SNX25: variants seen among roughly 807,000 people sequenced by gnomAD.
The protein encoded by SNX25 is sorting nexin-25.
Under a neutral mutation model 113.7 loss-of-function variants are expected in SNX25, and 62 were observed. The observed-to-expected ratio is 0.55, with a 90% confidence interval of 0.44 to 0.67. The LOEUF (loss-of-function observed/expected upper bound fraction) is 0.67. SNX25 is among the 30% of genes least tolerant of loss of function. The probability of loss-of-function intolerance (pLI) is 0.00; values close to 1 mark genes in which losing one functional copy is unlikely to be tolerated. For missense variants in SNX25, 1,014 were observed against 1,161.0 expected, an observed-to-expected ratio of 0.87 and a Z score of 1.84; for synonymous variants, 421 against 436.2, an observed-to-expected ratio of 0.97 and a Z score of 0.43.
intron 10 of SNX25, among the ~76,000 whole-genome samples, chr4:185,337,480 C>G (rs976484683): frequency 6.6e-6 from 1 of 150,904 alleles, no homozygotes; most frequent in Admixed American, 6.6e-5. Flanking sequence ...TTTTGTTTTG[C>G]TAACTATTTA....
At chr4:185,237,880 T>C (rs372604119) in intron 1 of SNX25, among the ~76,000 whole-genome samples, 128 of 151,486 alleles carry the variant, frequency 8.4e-4, no homozygotes, top group African/African-American at 2.8e-3. Flanking sequence ...CTGGCCAACA[T>C]GGAGAAACCC....
intron 1 of SNX25, among the ~76,000 whole-genome samples, chr4:185,246,214 G>T (rs1579457186): frequency 1.3e-5 from 2 of 152,212 alleles, no homozygotes; most frequent in South Asian, 2.1e-4. Flanking sequence ...GAACCTGGGA[G>T]GCGGAGGTTG....
At chr4:185,345,753 T>A (rs1334792290) in intron 12 of SNX25, among the ~76,000 whole-genome samples, 1 of 151,940 alleles carries the variant, frequency 6.6e-6, no homozygotes, top group Non-Finnish European at 1.5e-5. Context: ...ATCACGCCAC[T>A]GCACTCAGCC....
intron 7 of SNX25, among the ~76,000 whole-genome samples, chr4:185,314,030 G>A (rs2095050943): frequency 1.3e-5 from 2 of 152,192 alleles, no homozygotes; most frequent in Non-Finnish European, 2.9e-5. Context: ...AGAGCAGGAG[G>A]AAGAGGGGTC....
At chr4:185,328,318 A>AG (rs2095170636) in intron 9 of SNX25, among the ~76,000 whole-genome samples, 1 of 152,156 alleles carries the variant, frequency 6.6e-6, no homozygotes, top group South Asian at 2.1e-4. Context: ...CTCTAATTCC[A>AG]GGGGTTCCAT....
At chr4:185,331,203 G>C (rs1230805449) in intron 9 of SNX25, among the ~76,000 whole-genome samples, 1 of 152,092 alleles carries the variant, frequency 6.6e-6, no homozygotes, top group Non-Finnish European at 1.5e-5. Flanking sequence ...GTAGAAAAAC[G>C]TTTATGCATG....
At chr4:185,224,921 G>A (rs905515658) in intron 1 of SNX25, among the ~76,000 whole-genome samples, 17 of 151,626 alleles carry the variant, frequency 1.1e-4, no homozygotes, top group Non-Finnish European at 1.5e-5. Context: ...ATTTCTCCAA[G>A]AGGAGCCCTG....
intron 9 of SNX25, among the ~76,000 whole-genome samples, chr4:185,326,438 A>G (rs540358838): frequency 6.6e-6 from 1 of 152,276 alleles, no homozygotes; most frequent in South Asian, 2.1e-4. Context: ...GAGGACCAAA[A>G]CAAGACAACA....
At chr4:185,205,089 G>A (rs556960120), upstream of SNX25, among the ~76,000 whole-genome samples, 2 of 152,278 alleles carry the variant, frequency 1.3e-5, no homozygotes, top group Non-Finnish European at 2.9e-5. Flanking sequence ...GTCTATTTTC[G>A]TCCTTCACAA....
In SNX25 at chr4:185,209,985, C is replaced by A; in HGVS notation, c.159C>A (p.Gly53=). ...AAAAAAPGAP[G]GRSWWKPVAV... ...CAGCGGCGGCGCCGGGGGCCCCGGG[C>A]GGCCGGAGCTGGTGGAAGCCCGTGG... The change falls in exon 1 of 19, where the codon GGC becomes GGA. Residue 53 remains glycine, a synonymous_variant. Transcript: ENST00000652585. This position sits in a 1 kb window ranked among gnomAD's most constrained non-coding sequence, Gnocchi z 5.2. The A allele has an allele frequency of 1.0e-6, 1 of 983,630 alleles. No homozygotes were observed. Among genetic ancestry groups the A allele is most frequent in the Non-Finnish European group, 1.2e-6 (1 of 829,182 alleles). The allele number at this position is 983,630 out of a possible 1,614,324, so 60.9% of individuals were successfully genotyped here. A position where few individuals can be genotyped will look rare whatever the true frequency, so the allele number is the denominator to read the frequency against.
At chr4:185,214,056 CTCTT>C (rs1348222517) in intron 1 of SNX25, among the ~76,000 whole-genome samples, 5 of 151,742 alleles carry the variant, frequency 3.3e-5, no homozygotes, top group Admixed American at 6.6e-5. Flanking sequence ...ATTTCTCTCT[CTCTT>C]CTTTTTCCCC....
At chr4:185,346,374 G>A (rs373926354) in intron 12 of SNX25, among the ~76,000 whole-genome samples, 163 bp from the exon 13 acceptor site, 4 of 152,100 alleles carry the variant, frequency 2.6e-5, no homozygotes, top group Non-Finnish European at 2.9e-5. Context: ...CAAAGTTTCC[G>A]TTCCTCCCAA....
At chr4:185,378,493 G>A in the SNX25 span, 17 of 1,119,744 alleles carry the variant, frequency 1.5e-5, no homozygotes, top group Middle Eastern at 1.6e-3. Context: ...CATCAAGATG[G>A]GTCAAGTCAC....
At chr4:185,368,576 A>G (rs1005737053), downstream of SNX25, among the ~76,000 whole-genome samples, 3 of 152,116 alleles carry the variant, frequency 2.0e-5, 1 homozygote, top group East Asian at 5.8e-4. Context: ...TGTTCCTCAT[A>G]TCATGCGTCA....
At chr4:185,305,853 T>C (rs894690791) in intron 6 of SNX25, among the ~76,000 whole-genome samples, 5 of 152,182 alleles carry the variant, frequency 3.3e-5, no homozygotes, top group African/African-American at 1.2e-4. Flanking sequence ...AATCACTTTT[T>C]TTGCCATTAA....
chr4:185,299,684 A>T (rs925089193), intron 6 of SNX25, among the ~76,000 whole-genome samples: 1 of 152,224 alleles, frequency 6.6e-6, no homozygotes, highest in African/African-American at 2.4e-5. Context: ...GAAATGGTCT[A>T]TTAAAATAAG....
intron 5 of SNX25, among the ~76,000 whole-genome samples, chr4:185,269,068 T>G (rs1410798029): frequency 1.3e-5 from 2 of 152,232 alleles, no homozygotes; most frequent in Non-Finnish European, 2.9e-5. Flanking sequence ...CATTTCTTTT[T>G]CGTAAGTGTG....
chr4:185,320,978 A>G, intron 8 of SNX25, 114 bp downstream of exon 8: 1 of 838,194 alleles, frequency 1.2e-6, no homozygotes. Context: ...TTTTAAACCA[A>G]ATATAATACT....
intron 1 of SNX25, among the ~76,000 whole-genome samples, chr4:185,239,252 C>A (rs140551851): frequency 1.0e-5 from 1 of 98,720 alleles, no homozygotes; most frequent in Non-Finnish European, 2.4e-5. Context: ...GAGGCCAAGG[C>A]GGGCAGATCA....
Sources: gnomAD v4.1 joint callset for allele counts (sites outside exome capture counted in the v4.1 genomes callset) on GRCh38, gnomAD v4.1.1 for gene constraint, Gnocchi (gnomAD v3.1) non-coding constraint, MANE v1.5 for transcripts, NCBI Gene and HGNC (gene_info 2026-07-23, HGNC 2026-07-21) for gene names.